Variants in GTF2IRD1 observed in about 807,000 individuals in gnomAD.
GTF2IRD1 encodes the protein GTF2I repeat domain containing 1.
Under a neutral mutation model 113.2 loss-of-function variants are expected in GTF2IRD1, and 26 were observed. The observed-to-expected ratio is 0.23, with a 90% CI of 0.17 to 0.32. The LOEUF (loss-of-function observed/expected upper bound fraction) is 0.32, where lower values mean the gene tolerates loss of function less well. GTF2IRD1 is among the 10% of genes least tolerant of loss of function. The pLI is 1.00. For synonymous variants in GTF2IRD1, 484 were observed against 529.1 expected, an observed-to-expected ratio of 0.91 and a Z score of 1.17; for missense variants, 864 against 1,280.8, an observed-to-expected ratio of 0.67 and a Z score of 4.97.
At chr7:74,535,212 C>G in intron 10 of GTF2IRD1, 74 bp downstream of exon 10, 2 of 1,214,072 alleles carry the variant, frequency 1.6e-6, no homozygotes, top group Non-Finnish European at 2.5e-6. Context: ...TGCCACCACC[C>G]TGGACTTGGT....
At chr7:74,551,272 G>A (rs1799289771) in intron 17 of GTF2IRD1, among the ~76,000 whole-genome samples, 1 of 152,150 alleles carries the variant, frequency 6.6e-6, no homozygotes, top group Non-Finnish European at 1.5e-5. Context: ...GAACCTGGGA[G>A]GTGGAGGTTG....
chr7:74,517,884 G>T lies in GTF2IRD1; in HGVS notation c.422-255G>T, dbSNP rs587626886. Reference sequence around the variant, plus strand: ...GCCCAGAGTGGAGAGGGGCTTGGTCGGGGAGGGCAGCAGGGAACCTGCTTG... The same window carrying T: ...GCCCAGAGTGGAGAGGGGCTTGGTCTGGGAGGGCAGCAGGGAACCTGCTTG... On this transcript the variant is annotated intron_variant, in intron 4 of 26. Transcript: ENST00000424337. Among the ~76,000 whole-genome samples, 4 of 152,308 alleles carry T rather than the reference G, an allele frequency of 2.6e-5. No individual in the cohort carries two copies. In the East Asian group the frequency reaches 7.7e-4, roughly 29 times the overall value.
rs1554350133 is a variant in GTF2IRD1, at chr7:74,536,218, A to T, written c.1352A>T (p.Glu451Val). ...TTKLEPASPP[E>V]DTSAEVSRAT... ...AAGCTGGAGCCAGCCAGCCCGCCAG[A>T]GGACACCTCTGCAGAGGTCTCTAGG... is the stretch of plus-strand genomic sequence containing the variant. Residue 451 changes from glutamate to valine, a missense_variant, in exon 11 of 27, where the codon GAG (glutamate) becomes GTG (valine). Physicochemically the swap from Glu to Val is moderately radical, Grantham distance 121. Coordinates refer to ENST00000424337, the MANE Select transcript of GTF2IRD1 (RefSeq NM_005685.4). 6.2e-7 allele frequency: 1 copy of T among 1,613,800 alleles called. No homozygotes were observed. The highest frequency in any genetic ancestry group is 1.1e-5 in the South Asian group (1 of 91,080).
rs587629716 is a variant in GTF2IRD1, at chr7:74,538,450, C to T, written c.1448-230C>T. On this transcript the variant is annotated intron_variant, in intron 12 of 26. Coordinates refer to ENST00000424337, the MANE Select transcript of GTF2IRD1 (RefSeq NM_005685.4). ...CTGCAGGTTCTTGGACCAGCAGCCT[C>T]CCCTCTGGGGGGCCTCAGTCACCGG... Among the ~76,000 whole-genome samples, 11 of 152,334 alleles carry T rather than the reference C, an allele frequency of 7.2e-5. No homozygotes were observed. The East Asian group carries it at 2.1e-3, about 29-fold the overall frequency.
intron 1 of GTF2IRD1, among the ~76,000 whole-genome samples, chr7:74,492,962 G>A (rs1366329286): frequency 1.3e-5 from 2 of 151,964 alleles, no homozygotes; most frequent in Non-Finnish European, 2.9e-5. Context: ...TTGTAGAGCT[G>A]GGGTCTTGCT....
intron 19 of GTF2IRD1, among the ~76,000 whole-genome samples, chr7:74,556,133 T>A (rs1233951182): frequency 2.6e-5 from 4 of 151,658 alleles, no homozygotes; most frequent in Non-Finnish European, 4.4e-5. Flanking sequence ...GCACCTGTGA[T>A]CCCAGCTACT....
chr7:74,489,149 A>C (rs1554336170), intron 1 of GTF2IRD1, among the ~76,000 whole-genome samples: 1 of 151,950 alleles, frequency 6.6e-6, no homozygotes, highest in African/African-American at 2.4e-5. Context: ...CTCAAAAAGA[A>C]AAAAAAAGAC....
At chr7:74,544,225 C>G (rs1171031226) in intron 14 of GTF2IRD1, among the ~76,000 whole-genome samples, 1 of 152,196 alleles carries the variant, frequency 6.6e-6, no homozygotes, top group East Asian at 1.9e-4. Context: ...GAGTCTCACT[C>G]TGTTGCCCAG....
chr7:74,492,288 A>C (rs1396905196), intron 1 of GTF2IRD1, among the ~76,000 whole-genome samples: 3 of 150,950 alleles, frequency 2.0e-5, no homozygotes, highest in South Asian at 4.2e-4. Flanking sequence ...CTCCTCCCTC[A>C]GCCTCCCGAG....
intron 24 of GTF2IRD1, among the ~76,000 whole-genome samples, chr7:74,593,250 G>A (rs1260108711): frequency 4.0e-5 from 6 of 151,664 alleles, no homozygotes; most frequent in South Asian, 2.1e-4. Context: ...TTCTCCCACA[G>A]ACAGTTCACC....
intron 1 of GTF2IRD1, among the ~76,000 whole-genome samples, chr7:74,463,485 T>A (rs2116921222): frequency 6.6e-6 from 1 of 151,716 alleles, no homozygotes; most frequent in African/African-American, 2.4e-5. Flanking sequence ...TCCCACAACC[T>A]CAGCTTCCCA....
chr7:74,519,135 G>T (rs1474063683), intron 5 of GTF2IRD1, among the ~76,000 whole-genome samples: 1 of 152,218 alleles, frequency 6.6e-6, no homozygotes, highest in African/African-American at 2.4e-5. Flanking sequence ...GAGACAGGAG[G>T]CAATCAACCG....
At chr7:74,579,243 G>A (rs1268273215) in intron 22 of GTF2IRD1, among the ~76,000 whole-genome samples, 2 of 152,164 alleles carry the variant, frequency 1.3e-5, no homozygotes, top group Non-Finnish European at 2.9e-5. Flanking sequence ...ATGAGGTCAA[G>A]GCTGCAGTGA....
intron 26 of GTF2IRD1, chr7:74,601,448 A>G: frequency 1.4e-6 from 2 of 1,453,242 alleles, no homozygotes; most frequent in Non-Finnish European, 1.8e-6. Context: ...ACCTGCCCAC[A>G]CCCTTCAGCC....
intron 1 of GTF2IRD1, chr7:74,507,814 T>C (rs1796381865): frequency 7.3e-6 from 3 of 412,212 alleles, no homozygotes; most frequent in Non-Finnish European, 1.3e-5. Context: ...TCCAACAGAC[T>C]GGTCCTGGTG....
intron 25 of GTF2IRD1, 65 bp from the exon 26 acceptor site, chr7:74,600,978 AG>A: frequency 6.4e-7 from 1 of 1,563,354 alleles, no homozygotes; most frequent in Non-Finnish European, 8.8e-7. Flanking sequence ...TTTTCCAGGG[AG>A]CTCAGGAGGC....
In GTF2IRD1 at chr7:74,602,505, C is replaced by T. The variant is rs1425523470; in HGVS notation, c.*72C>T. On this transcript the variant is annotated 3_prime_UTR_variant, in exon 27 of 27. Coordinates refer to ENST00000424337, the MANE Select transcript of GTF2IRD1 (RefSeq NM_005685.4). ...GTAATTTATGTACAAAATGTATATTCGGATATGTATCGATGCCTTTTAGTT... is the reference window on the plus strand; with the variant it reads ...GTAATTTATGTACAAAATGTATATTTGGATATGTATCGATGCCTTTTAGTT... 4.6e-6 allele frequency: 6 copies of T among 1,305,270 alleles called. No individual in the cohort carries two copies. Among genetic ancestry groups the T allele is most frequent in the East Asian group, 4.6e-5 (2 of 43,104 alleles). The allele number at this position is 1,305,270 out of a possible 1,614,324, so 80.9% of individuals were successfully genotyped here. A position where few individuals can be genotyped will look rare whatever the true frequency, so the allele number is the denominator to read the frequency against.
intron 1 of GTF2IRD1, among the ~76,000 whole-genome samples, chr7:74,481,623 T>C (rs1794746445): frequency 6.6e-6 from 1 of 152,194 alleles, no homozygotes. Context: ...CGGGCTGCAC[T>C]GTGTATGCCC....
intron 22 of GTF2IRD1, among the ~76,000 whole-genome samples, chr7:74,581,433 A>G (rs1801414048): frequency 6.6e-6 from 1 of 152,206 alleles, no homozygotes; most frequent in African/African-American, 2.4e-5. Flanking sequence ...TGGGTAGACC[A>G]CTGGGCTTGT....
Sources: gnomAD v4.1 joint callset for allele counts (sites outside exome capture counted in the v4.1 genomes callset) on GRCh38, gnomAD v4.1.1 for gene constraint, MANE v1.5 for transcripts, NCBI Gene and HGNC (gene_info 2026-07-23, HGNC 2026-07-21) for gene names.